Variants in ANXA7 observed in about 807,000 individuals in gnomAD.
ANXA7 encodes the protein annexin VII.
In ANXA7, 55 loss-of-function variants were observed where a neutral mutation model predicts 64.9. The ratio of observed to expected loss-of-function variants is 0.85; its 90% CI spans 0.68 to 1.06. The LOEUF (loss-of-function observed/expected upper bound fraction) is 1.06. ANXA7 is among the 50% of genes least tolerant of loss of function. ANXA7 has a pLI of 0.00. For synonymous variants in ANXA7, 200 were observed against 192.4 expected, an observed-to-expected ratio of 1.04 and a Z score of -0.33; for missense variants, 548 against 582.1, an observed-to-expected ratio of 0.94 and a Z score of 0.60.
At chr10:73,398,464 G>A in intron 2 of ANXA7, 79 bp from the exon 3 acceptor site, 1 of 1,293,138 alleles carries the variant, frequency 7.7e-7, no homozygotes, top group Non-Finnish European at 1.1e-6. Flanking sequence ...ACAAACAGAG[G>A]TTATTATTAA....
intron 7 of ANXA7, among the ~76,000 whole-genome samples, chr10:73,386,675 TA>T (rs1410333408): frequency 1.3e-5 from 2 of 152,172 alleles, no homozygotes; most frequent in East Asian, 1.9e-4. Context: ...ATTTCCATAT[TA>T]TTTTTTTTTG....
At chr10:73,395,812 G>A (rs1036326794) in intron 5 of ANXA7, 13 of 592,640 alleles carry the variant, frequency 2.2e-5, no homozygotes, top group South Asian at 1.3e-4. Flanking sequence ...GAAGCCATAC[G>A]GAGTAGGGCA....
intron 5 of ANXA7, 87 bp downstream of exon 5, chr10:73,396,432 C>T: frequency 1.0e-6 from 1 of 955,812 alleles, no homozygotes; most frequent in Non-Finnish European, 1.6e-6. Flanking sequence ...TGGGCCATTT[C>T]CTCCGACCCA....
At chr10:73,381,716 A>G (rs1051845233) in intron 9 of ANXA7, 4 of 152,252 alleles carry the variant, frequency 2.6e-5, no homozygotes, top group African/African-American at 9.7e-5. Context: ...CACCTCATGT[A>G]AAATCTTAAT....
intron 5 of ANXA7, among the ~76,000 whole-genome samples, chr10:73,389,441 T>C (rs1403735020): frequency 5.3e-5 from 8 of 152,208 alleles, no homozygotes; most frequent in Non-Finnish European, 1.0e-4. Context: ...GTAACAGTAC[T>C]ATATCGATGT....
At chr10:73,377,773 GGTGTGT>G (rs368036663) in intron 12 of ANXA7, among the ~76,000 whole-genome samples, 13 of 124,846 alleles carry the variant, frequency 1.0e-4, no homozygotes, top group Non-Finnish European at 1.8e-4. Context: ...GGTGGGTGTG[GGTGTGT>G]GTGTGTGTGT....
Position 73,387,793 on chromosome 10 carries a change from C to A in ANXA7, c.539-10G>T, listed in dbSNP as rs2055400502. The A allele has an allele frequency of 6.2e-7, 1 of 1,606,086 alleles. No homozygotes were observed. Among genetic ancestry groups the A allele is most frequent in the Non-Finnish European group, 8.5e-7 (1 of 1,175,562 alleles). The stretch of plus-strand genomic sequence containing the variant: ...GCCTGCTCATCTGTCCCTGGAAGAA[C>A]CACACATGTTTAAGTAAGGACAAAG... On this transcript the variant is annotated splice_polypyrimidine_tract_variant and intron_variant, in intron 6 of 12. Transcript: ENST00000372921.
rs1415190297 is a variant in ANXA7, at chr10:73,407,552, C to T, written c.-2+6460G>A. Reference sequence around the variant, plus strand: ...GAATACTTTGGGATTTCTGGATCTACACCTAATTTTCTAAATTTGTAAATA... The same window carrying T: ...GAATACTTTGGGATTTCTGGATCTATACCTAATTTTCTAAATTTGTAAATA... On this transcript the variant is annotated intron_variant, in intron 1 of 12. Coordinates refer to ENST00000372921, the MANE Select transcript of ANXA7 (RefSeq NM_001156.5). 2.0e-5 allele frequency among the ~76,000 whole-genome samples: 3 copies of T among 152,206 alleles called. No homozygotes were observed. In the East Asian group the frequency reaches 5.8e-4, roughly 29 times the overall value.
At chr10:73,400,780 A>T (rs1167067846) in intron 2 of ANXA7, 23 bp downstream of exon 2, 2 of 1,583,130 alleles carry the variant, frequency 1.3e-6, no homozygotes, top group African/African-American at 1.4e-5. Context: ...TAAGGATGTG[A>T]GGTATTAAGT....
At chr10:73,393,356 T>G (rs955214904) in intron 5 of ANXA7, among the ~76,000 whole-genome samples, 5 of 152,136 alleles carry the variant, frequency 3.3e-5, no homozygotes, top group African/African-American at 1.2e-4. Context: ...TGGAAAAAAC[T>G]ACTTTAAAGT....
At chr10:73,410,108 T>C (rs2055816208) in intron 1 of ANXA7, among the ~76,000 whole-genome samples, 2 of 152,064 alleles carry the variant, frequency 1.3e-5, no homozygotes, top group South Asian at 4.1e-4. Flanking sequence ...AAAAAATTCA[T>C]GACTAAGACC....
chr10:73,387,914 T>A (rs1290820748), intron 6 of ANXA7, 131 bp from the exon 7 acceptor site: 2 of 687,560 alleles, frequency 2.9e-6, no homozygotes, highest in Non-Finnish European at 5.0e-6. Flanking sequence ...TGCAATGGTG[T>A]GATCTAGGCT....
At chr10:73,407,564 T>C (rs1480905314) in intron 1 of ANXA7, among the ~76,000 whole-genome samples, 1 of 152,254 alleles carries the variant, frequency 6.6e-6, no homozygotes, top group Non-Finnish European at 1.5e-5. Context: ...CCTAATTTTC[T>C]AAATTTGTAA....
intron 2 of ANXA7, among the ~76,000 whole-genome samples, chr10:73,399,826 C>A (rs28472830): frequency 2.8e-3 from 410 of 145,840 alleles, no homozygotes; most frequent in African/African-American, 9.4e-3. Context: ...ATCTCAAAAA[C>A]AAAAACAAAA....
intron 2 of ANXA7, among the ~76,000 whole-genome samples, chr10:73,400,435 C>T (rs2055642969): frequency 6.6e-6 from 1 of 152,128 alleles, no homozygotes; most frequent in Non-Finnish European, 1.5e-5. Flanking sequence ...ATTTTGCTTA[C>T]ATCCATGTTT....
chr10:73,410,505 C>T (rs1388019492), intron 1 of ANXA7, among the ~76,000 whole-genome samples: 3 of 152,028 alleles, frequency 2.0e-5, no homozygotes, highest in South Asian at 2.1e-4. Flanking sequence ...AAAAATGGGC[C>T]GGGCGCGGTA....
chr10:73,412,795 C>CTTTTTTT (rs55814659), intron 1 of ANXA7, among the ~76,000 whole-genome samples: 5,124 of 131,118 alleles, frequency 0.039, 270 homozygotes, highest in African/African-American at 0.13. Context: ...CGCGCTCGGG[C>CTTTTTTT]TTTTTTTTTT....
intron 1 of ANXA7, among the ~76,000 whole-genome samples, chr10:73,406,625 A>G (rs192490463): frequency 6.6e-6 from 1 of 152,298 alleles, no homozygotes; most frequent in East Asian, 1.9e-4. Flanking sequence ...GCTGGAGTGC[A>G]GTAGTGTGAC....
intron 11 of ANXA7, 86 bp from the exon 12 acceptor site, chr10:73,379,109 CT>C (rs1414140610): frequency 6.9e-6 from 6 of 866,626 alleles, no homozygotes; most frequent in Non-Finnish European, 1.0e-5. Context: ...TATAGCCTGC[CT>C]TTGATTATTT....
Sources: gnomAD v4.1 joint callset for allele counts (sites outside exome capture counted in the v4.1 genomes callset) on GRCh38, gnomAD v4.1.1 for gene constraint, MANE v1.5 for transcripts, NCBI Gene and HGNC (gene_info 2026-07-23, HGNC 2026-07-21) for gene names.